SAMD5: variants seen among roughly 807,000 people sequenced by gnomAD.
SAMD5 encodes the protein sterile alpha motif domain-containing protein 5.
Under a neutral mutation model 11.3 loss-of-function variants are expected in SAMD5, and 13 were observed. The observed-to-expected ratio is 1.15, with a 90% confidence interval of 0.75 to 1.83. SAMD5 has a LOEUF of 1.83. SAMD5 is among the 40% of genes most tolerant of loss of function. The pLI, the probability that SAMD5 is intolerant of heterozygous loss-of-function variation, is 0.00. For missense variants in SAMD5, 255 were observed against 239.1 expected, an observed-to-expected ratio of 1.07 and a Z score of -0.44; for synonymous variants, 129 against 111.3, an observed-to-expected ratio of 1.16 and a Z score of -1.00.
At chr6:147,608,062 A>G (rs1022683089) in intron 1 of SAMD5, among the ~76,000 whole-genome samples, 1 of 152,226 alleles carries the variant, frequency 6.6e-6, no homozygotes, top group African/African-American at 2.4e-5. Context: ...ATCATCAGAG[A>G]AATGCAAATC....
the SAMD5 span, among the ~76,000 whole-genome samples, chr6:147,947,068 G>A: frequency 6.6e-6 from 1 of 152,148 alleles, no homozygotes; most frequent in Non-Finnish European, 1.5e-5. Flanking sequence ...CCTTCCTTTG[G>A]AAACCTGATG....
At chr6:147,853,601 G>A in the SAMD5 span, among the ~76,000 whole-genome samples, 5 of 149,422 alleles carry the variant, frequency 3.3e-5, no homozygotes, top group East Asian at 8.1e-4. Flanking sequence ...TTTTCTTTAG[G>A]TAAATTACCT....
At chr6:147,670,893 G>T (rs754038268) in intron 1 of SAMD5, among the ~76,000 whole-genome samples, 2 of 152,260 alleles carry the variant, frequency 1.3e-5, no homozygotes, top group Non-Finnish European at 1.5e-5. Context: ...CTTTGCATTC[G>T]CATCTTTCCT....
the SAMD5 span, among the ~76,000 whole-genome samples, chr6:147,751,451 A>C: frequency 6.6e-6 from 1 of 152,184 alleles, no homozygotes; most frequent in Non-Finnish European, 1.5e-5. Context: ...GGTACATAGT[A>C]AGCCTCAGCA....
the SAMD5 span, among the ~76,000 whole-genome samples, chr6:147,897,942 T>C: frequency 1.3e-5 from 1 of 77,288 alleles, no homozygotes; most frequent in Non-Finnish European, 2.3e-5. Context: ...GAGATTTTTC[T>C]TAAAAAAAAA....
At chr6:147,724,124 G>GA (rs1469226508) in intron 1 of SAMD5, among the ~76,000 whole-genome samples, 2 of 151,918 alleles carry the variant, frequency 1.3e-5, no homozygotes, top group African/African-American at 4.8e-5. Context: ...AATTGTACAT[G>GA]AAAAAAATAT....
chr6:147,508,797 C>T lies in SAMD5; in HGVS notation c.-132C>T. The stretch of plus-strand genomic sequence containing the variant: ...TTTTCCGTCTCCTGCCCGAGCCTTT[C>T]CTTTAAAAGGAAAACTTTACTGCGA... On this transcript the variant is annotated 5_prime_UTR_variant, in exon 1 of 2. Transcript: ENST00000367474. The T allele has an allele frequency of 5.8e-6, 8 of 1,382,458 alleles. No individual in the cohort carries two copies. The South Asian group carries it at 7.5e-5, about 13-fold the overall frequency. The allele number at this position is 1,382,458 out of a possible 1,614,324, so 85.6% of individuals were successfully genotyped here. A position where few individuals can be genotyped will look rare whatever the true frequency, so the allele number is the denominator to read the frequency against.
At chr6:147,917,263 A>G in the SAMD5 span, among the ~76,000 whole-genome samples, 2 of 143,890 alleles carry the variant, frequency 1.4e-5, no homozygotes, top group African/African-American at 5.4e-5. Flanking sequence ...CAGGTGTGAG[A>G]TGGTATCTCA....
At chr6:147,842,043 A>C in the SAMD5 span, among the ~76,000 whole-genome samples, 2 of 152,314 alleles carry the variant, frequency 1.3e-5, no homozygotes, top group South Asian at 2.1e-4. Flanking sequence ...TGTGCTCCTA[A>C]ATGCTTGTGC....
the SAMD5 span, among the ~76,000 whole-genome samples, chr6:147,915,351 G>A: frequency 1.6e-4 from 25 of 152,296 alleles, no homozygotes; most frequent in Admixed American, 2.6e-4. Flanking sequence ...TGAAGTCAAC[G>A]TTAGGTGGAC....
chr6:147,569,627 C>T lies in SAMD5; in HGVS notation c.*5171C>T, dbSNP rs929338513. On this transcript the variant is annotated 3_prime_UTR_variant, in exon 2 of 2. Coordinates refer to ENST00000367474, the MANE Select transcript of SAMD5 (RefSeq NM_001030060.3). Reference sequence around the variant, plus strand: ...AAAGTGGTATGTTGACTGGGACAAACGTTAGAAATTGTATTGTTCATTGCA... The same window carrying T: ...AAAGTGGTATGTTGACTGGGACAAATGTTAGAAATTGTATTGTTCATTGCA... The T allele has an allele frequency of 1.0e-5, 10 of 985,096 alleles. No homozygotes were observed. Among genetic ancestry groups the T allele is most frequent in the Non-Finnish European group, 1.2e-5 (10 of 829,806 alleles). The allele number at this position is 985,096 out of a possible 1,614,324, so 61.0% of individuals were successfully genotyped here. A position where few individuals can be genotyped will look rare whatever the true frequency, so the allele number is the denominator to read the frequency against.
intron 1 of SAMD5, among the ~76,000 whole-genome samples, chr6:147,695,611 C>T (rs559611334): frequency 6.6e-6 from 1 of 152,316 alleles, no homozygotes; most frequent in East Asian, 1.9e-4. Flanking sequence ...TTATTCCATT[C>T]ACTTATTCAT....
chr6:147,556,217 C>T (rs1295694751), intron 1 of SAMD5, among the ~76,000 whole-genome samples: 14 of 151,986 alleles, frequency 9.2e-5, no homozygotes, highest in Non-Finnish European at 1.6e-4. Flanking sequence ...CTCAGCCTCC[C>T]GAGTAGCTGG....
chr6:147,613,614 G>T (rs1789818827), intron 1 of SAMD5, among the ~76,000 whole-genome samples: 5 of 151,846 alleles, frequency 3.3e-5, no homozygotes, highest in Admixed American at 3.3e-4. Context: ...TTAAATGTTT[G>T]TCAAGTGAAT....
chr6:147,585,875 A>G (rs1554234725), intron 1 of SAMD5, among the ~76,000 whole-genome samples: 1 of 152,188 alleles, frequency 6.6e-6, no homozygotes, highest in Non-Finnish European at 1.5e-5. Context: ...AGCTGGTGAA[A>G]AAGTAAAAAT....
chr6:147,823,439 A>G, the SAMD5 span, among the ~76,000 whole-genome samples: 2 of 152,176 alleles, frequency 1.3e-5, no homozygotes, highest in Admixed American at 6.5e-5. Flanking sequence ...AGTGGCATAA[A>G]AAAACCCACA....
At chr6:147,676,818 G>C (rs1476402022) in intron 1 of SAMD5, among the ~76,000 whole-genome samples, 1 of 148,246 alleles carries the variant, frequency 6.7e-6, no homozygotes, top group Non-Finnish European at 1.5e-5. Flanking sequence ...AAGGAGGAAA[G>C]AGTGGCCTGG....
At chr6:147,708,976 G>C (rs2128458367) in intron 1 of SAMD5, among the ~76,000 whole-genome samples, 1 of 152,308 alleles carries the variant, frequency 6.6e-6, no homozygotes, top group East Asian at 1.9e-4. Flanking sequence ...AAAATTGCCA[G>C]TGTTAAAATG....
intron 1 of SAMD5, among the ~76,000 whole-genome samples, chr6:147,635,257 C>T (rs1430751841): frequency 6.6e-6 from 1 of 152,032 alleles, no homozygotes; most frequent in Non-Finnish European, 1.5e-5. Context: ...CCATCACCAT[C>T]GTGAACATTT....
Sources: gnomAD v4.1 joint callset for allele counts (sites outside exome capture counted in the v4.1 genomes callset) on GRCh38, gnomAD v4.1.1 for gene constraint, MANE v1.5 for transcripts, NCBI Gene and HGNC (gene_info 2026-07-23, HGNC 2026-07-21) for gene names.